Variants in ARHGAP10 observed in about 807,000 individuals in gnomAD.
ARHGAP10 encodes rho GTPase-activating protein 10.
In ARHGAP10, 87 loss-of-function variants were observed where a neutral mutation model predicts 108.6. That is an observed-to-expected ratio of 0.80 (90% CI 0.67 to 0.96). ARHGAP10 has a LOEUF of 0.96. Among genes scored for constraint, ARHGAP10 ranks in the 40% least tolerant of loss-of-function variants. The probability of loss-of-function intolerance (pLI) is 0.00; values close to 1 mark genes in which losing one functional copy is unlikely to be tolerated. For missense variants in ARHGAP10, 939 were observed against 954.5 expected (o/e 0.98, Z 0.21); for synonymous variants, 347 against 341.1 (o/e 1.02, Z -0.19).
At chr4:147,822,130 C>G (rs887696612) in intron 1 of ARHGAP10, among the ~76,000 whole-genome samples, 8 of 152,190 alleles carry the variant, frequency 5.3e-5, no homozygotes, top group Admixed American at 5.2e-4. Context: ...AGATGAGGAC[C>G]TCTGTAGGTC....
At chr4:147,986,444 A>G (rs1475854179) in intron 18 of ARHGAP10, among the ~76,000 whole-genome samples, 1 of 152,186 alleles carries the variant, frequency 6.6e-6, no homozygotes, top group Non-Finnish European at 1.5e-5. Flanking sequence ...AAATGACTGC[A>G]ATTACTTGTT....
At chr4:147,983,129 G>T (rs1018149044) in intron 18 of ARHGAP10, among the ~76,000 whole-genome samples, 4 of 151,086 alleles carry the variant, frequency 2.6e-5, no homozygotes, top group Non-Finnish European at 5.9e-5. Flanking sequence ...AGATCCACCC[G>T]CCTTGGCCTC....
At chr4:148,064,286 A>T in intron 21 of ARHGAP10, 130 bp from the exon 22 acceptor site, 1 of 646,430 alleles carries the variant, frequency 1.5e-6, no homozygotes, top group Non-Finnish European at 2.7e-6. Context: ...CTTCCACGTT[A>T]ATTTCTCTTT....
intron 3 of ARHGAP10, among the ~76,000 whole-genome samples, chr4:147,846,603 T>G (rs1733644174): frequency 6.6e-6 from 1 of 152,200 alleles, no homozygotes; most frequent in South Asian, 2.1e-4. Flanking sequence ...GATGTCATGT[T>G]TGCTAGCACG....
In ARHGAP10 at chr4:147,957,451, T is replaced by A. The variant is rs1738826059; in HGVS notation, c.1450+2077T>A. Among the ~76,000 whole-genome samples, 3 of 152,172 alleles carry A rather than the reference T, an allele frequency of 2.0e-5. No individual in the cohort carries two copies. In the South Asian group the frequency reaches 6.2e-4, roughly 32 times the overall value. On this transcript the variant is annotated intron_variant, in intron 16 of 22. Coordinates refer to ENST00000336498, the MANE Select transcript of ARHGAP10 (RefSeq NM_024605.4). ...TCAGGTGGCCAAAATTAGTCTCCCC[T>A]TTTGAATGCTGTTGGAAAATCGGGA... is the stretch of plus-strand genomic sequence containing the variant.
At chr4:147,840,555 C>G (rs954505142) in intron 3 of ARHGAP10, among the ~76,000 whole-genome samples, 2 of 152,120 alleles carry the variant, frequency 1.3e-5, no homozygotes, top group African/African-American at 2.4e-5. Flanking sequence ...GAGTGCTTAC[C>G]TTGTTTGGAT....
Position 147,857,536 on chromosome 4 carries a change from T to A in ARHGAP10, c.385-17T>A. The A allele has an allele frequency of 6.8e-7, 1 of 1,467,194 alleles. No individual in the cohort carries two copies. Among genetic ancestry groups the A allele is most frequent in the Middle Eastern group, 1.8e-4 (1 of 5,458 alleles). The allele number at this position is 1,467,194 out of a possible 1,614,324, so 90.9% of individuals were successfully genotyped here. On this transcript the variant is annotated splice_polypyrimidine_tract_variant and intron_variant, in intron 4 of 22. Transcript: ENST00000336498. ...CCTTTTGTTTCTGTTTAATCATAGT[T>A]TTTTTTTTATTTGTAGGAAGAAAAA...
At chr4:148,069,430 C>T (rs1188416668) in intron 22 of ARHGAP10, among the ~76,000 whole-genome samples, 2 of 152,100 alleles carry the variant, frequency 1.3e-5, no homozygotes, top group Admixed American at 6.5e-5. Flanking sequence ...GTTGTGGAGG[C>T]GTCTCTCTGG....
chr4:147,787,206 T>C (rs1730923738), intron 1 of ARHGAP10, among the ~76,000 whole-genome samples: 1 of 152,114 alleles, frequency 6.6e-6, no homozygotes, highest in African/African-American at 2.4e-5. Context: ...AGTGGGAGGA[T>C]CAGGTGTGAC....
intron 22 of ARHGAP10, among the ~76,000 whole-genome samples, chr4:148,067,884 G>A (rs1246940676): frequency 6.6e-6 from 1 of 152,164 alleles, no homozygotes; most frequent in East Asian, 1.9e-4. Flanking sequence ...GGGTGGGCCT[G>A]GACTTAAGTT....
At chr4:147,966,638 C>T (rs1460397056) in intron 17 of ARHGAP10, 42 bp from the exon 18 acceptor site, 4 of 1,493,566 alleles carry the variant, frequency 2.7e-6, no homozygotes, top group South Asian at 1.4e-5. Context: ...ACAATTTTTG[C>T]TCCTTTGGTT....
intron 18 of ARHGAP10, among the ~76,000 whole-genome samples, chr4:148,005,650 A>C (rs1161478050): frequency 6.6e-6 from 1 of 152,204 alleles, no homozygotes; most frequent in Non-Finnish European, 1.5e-5. Flanking sequence ...AAGTTGCTGG[A>C]GGGACCAGGT....
intron 10 of ARHGAP10, among the ~76,000 whole-genome samples, chr4:147,886,542 G>T (rs537900392): frequency 6.6e-6 from 1 of 152,274 alleles, no homozygotes; most frequent in African/African-American, 2.4e-5. Context: ...TTAACTAGTT[G>T]AAATTTCATA....
At chr4:148,037,889 A>G (rs771066432) in intron 19 of ARHGAP10, among the ~76,000 whole-genome samples, 1 of 151,944 alleles carries the variant, frequency 6.6e-6, no homozygotes, top group Non-Finnish European at 1.5e-5. Context: ...ATCTCTGTCA[A>G]TCTTAAAATT....
chr4:148,048,893 C>T (rs1578826595), intron 20 of ARHGAP10, among the ~76,000 whole-genome samples: 1 of 151,652 alleles, frequency 6.6e-6, no homozygotes, highest in East Asian at 1.9e-4. Context: ...TCATGAAAAG[C>T]ACTCCAACCT....
At chr4:148,029,145 GAAATAGT>G (rs968555835) in intron 19 of ARHGAP10, among the ~76,000 whole-genome samples, 11 of 152,290 alleles carry the variant, frequency 7.2e-5, no homozygotes, top group African/African-American at 2.6e-4. Context: ...TAGAAAGAGA[GAAATAGT>G]AAATAGTTAC....
At chr4:148,017,680 A>ATATATATATATATATG (rs11281620) in intron 18 of ARHGAP10, among the ~76,000 whole-genome samples, 1 of 141,438 alleles carries the variant, frequency 7.1e-6, no homozygotes, top group Non-Finnish European at 1.5e-5. Flanking sequence ...ATATATATAT[A>ATATATATATATATATG]TATGTGTGTG....
intron 13 of ARHGAP10, among the ~76,000 whole-genome samples, chr4:147,936,624 C>T (rs909652803): frequency 1.8e-4 from 27 of 152,092 alleles, no homozygotes; most frequent in Non-Finnish European, 4.4e-5. Flanking sequence ...CCACCGCGCC[C>T]GGCCCTTTTC....
At chr4:148,011,262 A>G (rs913750908) in intron 18 of ARHGAP10, among the ~76,000 whole-genome samples, 4 of 152,216 alleles carry the variant, frequency 2.6e-5, no homozygotes, top group Non-Finnish European at 5.9e-5. Flanking sequence ...TGTTATTTTC[A>G]TGATTATAGA....
Sources: gnomAD v4.1 joint callset for allele counts (sites outside exome capture counted in the v4.1 genomes callset) on GRCh38, gnomAD v4.1.1 for gene constraint, MANE v1.5 for transcripts, NCBI Gene and HGNC (gene_info 2026-07-23, HGNC 2026-07-21) for gene names.